The following SULF2 variants were observed in gnomAD, a reference collection of about 807,000 sequenced individuals.
SULF2 encodes the protein sulfatase 2.
In SULF2, 52 loss-of-function variants were observed where a neutral mutation model predicts 107.7. The ratio of observed to expected loss-of-function variants is 0.48; its 90% CI spans 0.39 to 0.61. SULF2 has a LOEUF of 0.61. Ranked by LOEUF, SULF2 falls within the 20% of genes least tolerant of loss-of-function variation. SULF2 has a pLI of 0.00. For synonymous variants in SULF2, 460 were observed against 464.3 expected (o/e 0.99, Z 0.12); for missense variants, 993 against 1,177.3 (o/e 0.84, Z 2.29).
chr20:47,676,427 G>A, intron 10 of SULF2, 67 bp downstream of exon 10: 2 of 1,555,884 alleles, frequency 1.3e-6, no homozygotes, highest in Non-Finnish European at 1.7e-6. Context: ...GGCTCTCAGA[G>A]CCTCGCAGGT....
chr20:47,708,669 C>T (rs778893282), intron 3 of SULF2, among the ~76,000 whole-genome samples: 27 of 152,238 alleles, frequency 1.8e-4, no homozygotes, highest in Non-Finnish European at 2.8e-4. Flanking sequence ...TTTCCCGCTA[C>T]ACTCCCACAT....
chr20:47,673,966 C>G (rs2087559117), intron 10 of SULF2, among the ~76,000 whole-genome samples: 1 of 152,248 alleles, frequency 6.6e-6, no homozygotes, highest in Admixed American at 6.5e-5. Flanking sequence ...CTGCCTGCTC[C>G]CCGCTCCAAC....
At chr20:47,748,872 G>A (rs989323300) in intron 2 of SULF2, among the ~76,000 whole-genome samples, 4 of 152,108 alleles carry the variant, frequency 2.6e-5, no homozygotes, top group East Asian at 3.9e-4. Flanking sequence ...TGGTTTCCTC[G>A]CACTTGCTCA....
chr20:47,718,778 G>A (rs1484697597), intron 3 of SULF2, among the ~76,000 whole-genome samples: 1 of 152,160 alleles, frequency 6.6e-6, no homozygotes, highest in Non-Finnish European at 1.5e-5. Flanking sequence ...AGTTGGGGAT[G>A]GGGGTTGATA....
chr20:47,731,307 C>A (rs1049415120), intron 3 of SULF2, among the ~76,000 whole-genome samples: 2 of 149,456 alleles, frequency 1.3e-5, no homozygotes, highest in Non-Finnish European at 3.0e-5. Context: ...ATTCTCCTGT[C>A]TCAGCCTCCC....
At chr20:47,677,224 C>T in intron 8 of SULF2, 90 bp from the exon 9 acceptor site, 1 of 1,446,876 alleles carries the variant, frequency 6.9e-7, no homozygotes, top group Admixed American at 1.8e-5. Flanking sequence ...CACCAGGAGT[C>T]AGCCTTGGTT....
rs118119821 is a variant in SULF2, at chr20:47,783,394, C to A, written c.-101+1949G>T. 7.9e-5 allele frequency among the ~76,000 whole-genome samples: 12 copies of A among 152,274 alleles called. No homozygotes were observed. In the East Asian group the frequency reaches 1.2e-3, roughly 15 times the overall value. ...AGGCAGGTCCAAGCAGATAAACTAA[C>A]CAGTGCCAGAAAAAGTGAGAAGGAA... On this transcript the variant is annotated intron_variant, in intron 1 of 20. Transcript: ENST00000688720.
chr20:47,703,029 G>T (rs746331642), intron 3 of SULF2, among the ~76,000 whole-genome samples: 1 of 152,114 alleles, frequency 6.6e-6, no homozygotes, highest in East Asian at 1.9e-4. Context: ...CAATTCTCCT[G>T]CCTCAGCCTC....
intron 1 of SULF2, among the ~76,000 whole-genome samples, chr20:47,758,543 AC>A (rs1201508663): frequency 1.3e-5 from 2 of 152,100 alleles, no homozygotes; most frequent in Non-Finnish European, 2.9e-5. Flanking sequence ...GAGGGGGAAG[AC>A]CTGCCACAGG....
intron 4 of SULF2, among the ~76,000 whole-genome samples, chr20:47,691,329 G>C (rs912511071): frequency 1.3e-5 from 2 of 152,192 alleles, no homozygotes; most frequent in Admixed American, 6.5e-5. Context: ...TTTAGCTGGG[G>C]CAGTCAGGGA....
intron 4 of SULF2, among the ~76,000 whole-genome samples, chr20:47,692,257 A>G (rs2088221387): frequency 6.6e-6 from 1 of 152,164 alleles, no homozygotes; most frequent in Non-Finnish European, 1.5e-5. Flanking sequence ...TATACATACC[A>G]TGATGTATTC....
chr20:47,696,933 C>T (rs1416624737), intron 4 of SULF2, among the ~76,000 whole-genome samples: 1 of 152,180 alleles, frequency 6.6e-6, no homozygotes, highest in Non-Finnish European at 1.5e-5. Context: ...AACAGAGCTA[C>T]AACCAGCTGC....
chr20:47,760,947 A>G (rs1052191526), intron 1 of SULF2, among the ~76,000 whole-genome samples: 5 of 152,188 alleles, frequency 3.3e-5, no homozygotes, highest in African/African-American at 1.2e-4. Flanking sequence ...AAGGATGTGG[A>G]CTTTGGAGTT....
intron 2 of SULF2, among the ~76,000 whole-genome samples, chr20:47,745,000 CA>C (rs1475518268): frequency 2.0e-5 from 3 of 152,070 alleles, no homozygotes; most frequent in Admixed American, 6.5e-5. Context: ...ACTGAATCAC[CA>C]GGTCCTTTTT....
chr20:47,763,856 A>C (rs2090469813), intron 1 of SULF2, among the ~76,000 whole-genome samples: 1 of 152,172 alleles, frequency 6.6e-6, no homozygotes, highest in Admixed American at 6.5e-5. Flanking sequence ...AACAAAAGCA[A>C]GGGCCTGCCT....
chr20:47,668,386 G>A (rs116713800), intron 11 of SULF2, among the ~76,000 whole-genome samples: 4 of 152,308 alleles, frequency 2.6e-5, no homozygotes, highest in African/African-American at 7.2e-5. Context: ...TCACAGAAGC[G>A]GTATGCCAGC....
intron 2 of SULF2, among the ~76,000 whole-genome samples, chr20:47,753,299 C>T (rs2090203851): frequency 1.3e-5 from 2 of 152,088 alleles, no homozygotes; most frequent in African/African-American, 4.8e-5. Flanking sequence ...TGTCCTTAAC[C>T]CTCTGATACA....
intron 3 of SULF2, among the ~76,000 whole-genome samples, chr20:47,721,661 C>A (rs910862796): frequency 6.6e-6 from 1 of 152,210 alleles, no homozygotes; most frequent in Non-Finnish European, 1.5e-5. Context: ...TGAGCTACTG[C>A]GCCCGGCCTG....
At chr20:47,767,378 C>T (rs1216599833) in intron 1 of SULF2, among the ~76,000 whole-genome samples, 2 of 152,210 alleles carry the variant, frequency 1.3e-5, no homozygotes, top group African/African-American at 2.4e-5. Context: ...GGTGTGGCGG[C>T]TTACACCTGT....
Sources: gnomAD v4.1 joint callset for allele counts (sites outside exome capture counted in the v4.1 genomes callset) on GRCh38, gnomAD v4.1.1 for gene constraint, MANE v1.5 for transcripts, NCBI Gene and HGNC (gene_info 2026-07-23, HGNC 2026-07-21) for gene names.